The following SEMA4C variants were observed in gnomAD, a reference collection of about 807,000 sequenced individuals.
SEMA4C encodes semaphorin-4C.
In SEMA4C, 19 loss-of-function variants were observed where a neutral mutation model predicts 89.0. That is an observed-to-expected ratio of 0.21 (90% CI 0.15 to 0.31). The LOEUF is 0.31. Among genes scored for constraint, SEMA4C ranks in the 10% least tolerant of loss-of-function variants. SEMA4C has a pLI of 1.00. For missense variants in SEMA4C, 811 were observed against 1,107.0 expected, an observed-to-expected ratio of 0.73 and a Z score of 3.79; for synonymous variants, 428 against 472.7, an observed-to-expected ratio of 0.91 and a Z score of 1.23.
In SEMA4C at chr2:96,864,691, C is replaced by A. The variant is rs1339371655; in HGVS notation, c.962+14G>T. The stretch of plus-strand genomic sequence containing the variant: ...CAGCTCCTCCCCACTCTGTGGGAGC[C>A]CTGGCCAACTCACCACTGTGCTTGA... On this transcript the variant is annotated intron_variant, in intron 9 of 14. Transcript: ENST00000305476. This position sits in a 1 kb window ranked among gnomAD's most constrained non-coding sequence, Gnocchi z 6.3. 3 of 1,594,260 alleles carry A rather than the reference C, an allele frequency of 1.9e-6. No homozygotes were observed. The African/African-American group carries it at 4.0e-5, about 21-fold the overall frequency.
chr2:96,860,707 A>C lies in SEMA4C; in HGVS notation c.2421T>G (p.Pro807=). Reference sequence around the variant, plus strand: ...TGCGTCTCAGTTCATCCGCGAGCTCAGGCAGGGGGTGCCCGAGCCCTCCCC... The same window carrying C: ...TGCGTCTCAGTTCATCCGCGAGCTCCGGCAGGGGGTGCCCGAGCCCTCCCC... ...EDRGGLGHPL[P]ELADELRRKL... Residue 807 remains proline, a synonymous_variant, in exon 15 of 15, where the codon CCT becomes CCG. Transcript: ENST00000305476. The C allele has an allele frequency of 6.2e-7, 1 of 1,613,688 alleles. No homozygotes were observed. The highest frequency in any genetic ancestry group is 8.5e-7 in the Non-Finnish European group (1 of 1,179,962).
In SEMA4C at chr2:96,867,898, C is replaced by A; in HGVS notation, c.-12G>T. ...CAGTGTGGGGCCATGGCGCACGCCC[C>A]GGCTCTGAGCTTCAGGCCAGCTGTC... On this transcript the variant is annotated 5_prime_UTR_variant, in exon 2 of 15. Transcript: ENST00000305476. 2 of 1,613,452 alleles carry A rather than the reference C, an allele frequency of 1.2e-6. No individual in the cohort carries two copies. Among genetic ancestry groups the A allele is most frequent in the Non-Finnish European group, 1.7e-6 (2 of 1,180,016 alleles).
At position 96,864,667 on chromosome 2, in the gene SEMA4C, A is replaced by G; in HGVS notation, c.962+38T>C. ...ATGCACCGTCCCTGACCTGAACCCC[A>G]GCTCCTCCCCACTCTGTGGGAGCCC... is the stretch of plus-strand genomic sequence containing the variant. On this transcript the variant is annotated intron_variant, in intron 9 of 14. Coordinates refer to ENST00000305476, the MANE Select transcript of SEMA4C (RefSeq NM_017789.5). This position sits in a 1 kb window ranked among gnomAD's most constrained non-coding sequence, Gnocchi z 6.3. 1 of 1,573,616 alleles carries G rather than the reference A, an allele frequency of 6.4e-7. No homozygotes were observed. Among genetic ancestry groups the G allele is most frequent in the Non-Finnish European group, 8.6e-7 (1 of 1,156,808 alleles).
chr2:96,860,696 T>C lies in SEMA4C; in HGVS notation c.2432A>G (p.Asp811Gly), dbSNP rs768866607. The change falls in exon 15 of 15, where the codon GAT (aspartate) becomes GGT (glycine). Residue 811 changes from aspartate (D) to glycine (G), a missense_variant. Physicochemically the swap from Asp to Gly is moderately conservative, Grantham distance 94. Transcript: ENST00000305476. The part of the protein sequence containing the change: ...GLGHPLPELA[D>G]ELRRKLQQRQ... The stretch of plus-strand genomic sequence containing the variant: ...TTGCTGCAGTTTGCGTCTCAGTTCA[T>C]CCGCGAGCTCAGGCAGGGGGTGCCC... The C allele has an allele frequency of 6.8e-6, 11 of 1,613,388 alleles. No individual in the cohort carries two copies. The Admixed American group carries it at 1.2e-4, about 17-fold the overall frequency.
At chr2:96,866,622 G>T in intron 2 of SEMA4C, 191 bp from the exon 3 acceptor site, 1 of 781,234 alleles carries the variant, frequency 1.3e-6, no homozygotes, top group Non-Finnish European at 2.2e-6. Flanking sequence ...GCCTTTCCCA[G>T]CCTGGGAGGA....
chr2:96,861,346 G>T lies in SEMA4C; in HGVS notation c.1782C>A (p.Asp594Glu). Reference protein sequence around the residue: ...AHARWTFGGRDLPAEQPGSFL... With the variant: ...AHARWTFGGRELPAEQPGSFL... The stretch of plus-strand genomic sequence containing the variant: ...AGGACCCGGGCTGTTCCGCAGGCAG[G>T]TCCCGGCCCCCAAAGGTCCAGCGGG... Residue 594 changes from aspartate to glutamate, a missense_variant, in exon 15 of 15, where the codon GAC (aspartate) becomes GAA (glutamate). Coordinates refer to ENST00000305476, the MANE Select transcript of SEMA4C (RefSeq NM_017789.5). The surrounding 1 kb of genome is among the most constrained non-coding windows in gnomAD (Gnocchi z 7.8). 2.5e-6 allele frequency: 4 copies of T among 1,607,432 alleles called. No individual in the cohort carries two copies. Among genetic ancestry groups the T allele is most frequent in the Non-Finnish European group, 3.4e-6 (4 of 1,179,976 alleles).
chr2:96,860,768 T>C lies in SEMA4C; in HGVS notation c.2360A>G (p.Asn787Ser), dbSNP rs2079923171. ...HLGGGRNSNA[N>S]GYVRLQLGGE... ...TCCTAGTTGTAAGCGCACGTAACCA[T>C]TGGCATTTGAGTTCCGCCCACCCCC... Residue 787 changes from asparagine to serine, a missense_variant, in exon 15 of 15, where the codon AAT becomes AGT. Asn to Ser is a conservative substitution (Grantham distance 46). Transcript: ENST00000305476. 2 of 1,613,696 alleles carry C rather than the reference T, an allele frequency of 1.2e-6. No individual in the cohort carries two copies. The highest frequency in any genetic ancestry group is 1.7e-5 in the Admixed American group (1 of 60,006).
intron 12 of SEMA4C, 162 bp from the exon 13 acceptor site, chr2:96,862,056 G>T: frequency 1.3e-6 from 1 of 749,742 alleles, no homozygotes; most frequent in Non-Finnish European, 2.1e-6. Context: ...CTATAGTGCT[G>T]AAAAGGGAAC....
Position 96,861,220 on chromosome 2 carries a change from C to T in SEMA4C, c.1908G>A (p.Leu636=), listed in dbSNP as rs1479239558. 6.2e-7 allele frequency: 1 copy of T among 1,610,446 alleles called. No individual in the cohort carries two copies. The highest frequency in any genetic ancestry group is 1.3e-5 in the African/African-American group (1 of 74,934). Residue 636 remains leucine (L), a synonymous_variant, in exon 15 of 15, where the codon CTG becomes CTA. Coordinates refer to ENST00000305476, the MANE Select transcript of SEMA4C (RefSeq NM_017789.5). The surrounding 1 kb of genome is among the most constrained non-coding windows in gnomAD (Gnocchi z 7.8). ...CAGCCACAAGGTAGCCTTCAGCAGC[C>T]AGCCGCGCCCCCTGCTCCTCTGAAA... The part of the protein sequence containing the change: ...HCFSEEQGAR[L]AAEGYLVAVV...
At chr2:96,862,098 C>G in intron 12 of SEMA4C, 1 of 607,896 alleles carries the variant, frequency 1.6e-6, no homozygotes, top group Non-Finnish European at 2.9e-6. Context: ...AGGGCTTACA[C>G]AGGCCAGATG....
At position 96,869,974 on chromosome 2, in the gene SEMA4C, G is replaced by C. The variant is rs1175170375; in HGVS notation, c.-136C>G. ...CGTCGCCGCCTGCCCGCGCTCGCCCGCCAGCCCTCCGCGGCCTCTCTGCCA... is the reference window on the plus strand; with the variant it reads ...CGTCGCCGCCTGCCCGCGCTCGCCCCCCAGCCCTCCGCGGCCTCTCTGCCA... On this transcript the variant is annotated 5_prime_UTR_variant, in exon 1 of 15. Coordinates refer to ENST00000305476, the MANE Select transcript of SEMA4C (RefSeq NM_017789.5). 1.2e-5 allele frequency: 12 copies of C among 986,604 alleles called. No individual in the cohort carries two copies. The Middle Eastern group carries it at 2.6e-3, about 214-fold the overall frequency. 61.1% of individuals were successfully genotyped at this position (986,604 alleles called of 1,614,324 possible).
At position 96,861,913 on chromosome 2, in the gene SEMA4C, G is replaced by A. The variant is rs751772565; in HGVS notation, c.1444-19C>T. 4 of 1,593,344 alleles carry A rather than the reference G, an allele frequency of 2.5e-6. No individual in the cohort carries two copies. The highest frequency in any genetic ancestry group is 1.1e-5 in the South Asian group (1 of 89,322). On this transcript the variant is annotated intron_variant, in intron 12 of 14. Transcript: ENST00000305476. This position sits in a 1 kb window ranked among gnomAD's most constrained non-coding sequence, Gnocchi z 7.8. ...GCAGCTTCTGCGAGAAAAGCGGGGC[G>A]CAGGAGGGGGGTCGGCCAGGGCCAC...
rs1234167949 is a variant in SEMA4C, at chr2:96,863,934, A to G, written c.1322T>C (p.Ile441Thr). The G allele has an allele frequency of 1.9e-6, 3 of 1,606,452 alleles. No individual in the cohort carries two copies. Among genetic ancestry groups the G allele is most frequent in the East Asian group, 2.2e-5 (1 of 44,678 alleles). Residue 441 changes from isoleucine (I) to threonine (T), a missense_variant, in exon 11 of 15, where the codon ATT (isoleucine) becomes ACT (threonine). By Grantham distance (89) the Ile-to-Thr change is moderately conservative. This residue lies in a region of SEMA4C where 441 missense variants were observed against 664.9 expected (regional missense o/e 0.66). Transcript: ENST00000305476. Reference protein sequence around the residue: ...LDGATYTVLFIGTGDGWLLKA... With the variant: ...LDGATYTVLFTGTGDGWLLKA... ...CATACCCATGCACCCACCTGTGCCAATGAACAGCACTGTATAGGTGGCTCC... is the reference window on the plus strand; with the variant it reads ...CATACCCATGCACCCACCTGTGCCAGTGAACAGCACTGTATAGGTGGCTCC...
In SEMA4C at chr2:96,864,681, C is replaced by T. The variant is rs775285272; in HGVS notation, c.962+24G>A. 6.3e-7 allele frequency: 1 copy of T among 1,587,112 alleles called. No individual in the cohort carries two copies. The highest frequency in any genetic ancestry group is 8.6e-7 in the Non-Finnish European group (1 of 1,163,334). On this transcript the variant is annotated intron_variant, in intron 9 of 14. Coordinates refer to ENST00000305476, the MANE Select transcript of SEMA4C (RefSeq NM_017789.5). The surrounding 1 kb of genome is among the most constrained non-coding windows in gnomAD (Gnocchi z 6.3). ...ACCTGAACCCCAGCTCCTCCCCACT[C>T]TGTGGGAGCCCTGGCCAACTCACCA...
chr2:96,869,856 G>GC lies in SEMA4C; in HGVS notation c.-38+19dup. ...CGGGGCCCCGCGGCTCCAGCCTCAC[G>GC]CAAGCCCGGCCTCGCTCACCTATTG... On this transcript the variant is annotated intron_variant, in intron 1 of 14. Coordinates refer to ENST00000305476, the MANE Select transcript of SEMA4C (RefSeq NM_017789.5). 1.0e-6 allele frequency: 1 copy of GC among 985,656 alleles called. No individual in the cohort carries two copies. Among genetic ancestry groups the GC allele is most frequent in the Non-Finnish European group, 1.2e-6 (1 of 830,174 alleles). 61.1% of individuals were successfully genotyped at this position (985,656 alleles called of 1,614,324 possible).
At chr2:96,868,641 C>T in intron 1 of SEMA4C, 8 of 985,452 alleles carry the variant, frequency 8.1e-6, no homozygotes, top group Non-Finnish European at 9.6e-6. Context: ...TCATCCTGTT[C>T]CTCGCACTGC....
chr2:96,865,895 TCA>T lies in SEMA4C; in HGVS notation c.291_292del (p.Glu98ValfsTer55). On this transcript the variant is annotated frameshift_variant, in exon 4 of 15. Coordinates refer to ENST00000305476, the MANE Select transcript of SEMA4C (RefSeq NM_017789.5). LOFTEE classifies it high-confidence loss of function. ...GTTGTTCTTCCCTTTCTGGATACAC[TCA>T]GTCTTCTTCTCCACGGGGGCCTCCC... 1 of 1,614,006 alleles carries T rather than the reference TCA, an allele frequency of 6.2e-7. No homozygotes were observed. The highest frequency in any genetic ancestry group is 8.5e-7 in the Non-Finnish European group (1 of 1,180,014).
chr2:96,864,899 A>G lies in SEMA4C; in HGVS notation c.787-19T>C. ...TATCGCCCTGGCAGACGGCAAGGGGACACTGCCGGTCAGCCCCGCTGGGCC... is the reference window on the plus strand; with the variant it reads ...TATCGCCCTGGCAGACGGCAAGGGGGCACTGCCGGTCAGCCCCGCTGGGCC... On this transcript the variant is annotated intron_variant, in intron 8 of 14. Coordinates refer to ENST00000305476, the MANE Select transcript of SEMA4C (RefSeq NM_017789.5). This position sits in a 1 kb window ranked among gnomAD's most constrained non-coding sequence, Gnocchi z 6.3. The G allele has an allele frequency of 6.2e-7, 1 of 1,612,030 alleles. No homozygotes were observed. The highest frequency in any genetic ancestry group is 1.3e-5 in the African/African-American group (1 of 74,980).
At chr2:96,866,175 A>G in intron 3 of SEMA4C, 108 bp downstream of exon 3, 1 of 1,453,492 alleles carries the variant, frequency 6.9e-7, no homozygotes, top group Non-Finnish European at 9.3e-7. Context: ...GATGCCCAGC[A>G]GCACTTCTGT....
Sources: allele counts gnomAD v4.1 joint callset, GRCh38; gene constraint gnomAD v4.1.1; regional missense constraint gnomAD v4.1.1; non-coding constraint Gnocchi (gnomAD v3.1); transcripts MANE v1.5; gene names NCBI Gene and HGNC (gene_info 2026-07-23, HGNC 2026-07-21).